MATR3: variants seen among roughly 807,000 people sequenced by gnomAD.
MATR3 encodes the protein matrin 3.
MATR3 carries 4 observed loss-of-function variants against 85.5 expected under a neutral mutation model. The observed-to-expected ratio is 0.05, with a 90% CI of 0.02 to 0.11. The LOEUF (loss-of-function observed/expected upper bound fraction) is 0.11. Ranked by LOEUF, MATR3 falls within the 10% of genes least tolerant of loss-of-function variation. The pLI is 1.00. For missense variants in MATR3, 685 were observed against 1,016.1 expected (o/e 0.67, Z 4.43); for synonymous variants, 336 against 343.1 (o/e 0.98, Z 0.23).
Position 139,325,452 on chromosome 5 carries a change from G to A in MATR3, c.2161G>A (p.Glu721Lys), listed in dbSNP as rs764645698. Residue 721 changes from glutamate to lysine, a missense_variant, in exon 13 of 15, where the codon GAG becomes AAG. Coordinates refer to ENST00000394805, the MANE Select transcript of MATR3 (RefSeq NM_018834.6). The stretch of plus-strand genomic sequence containing the variant: ...GGTTGAAATTAAGGTGGACAAGATC[G>A]AGGAACTTGATCAAGAAAACGAAGC... ...KKKLKKVDKI[E>K]ELDQENEAAL... 2.4e-5 allele frequency: 39 copies of A among 1,614,044 alleles called. No individual in the cohort carries two copies. Among genetic ancestry groups the A allele is most frequent in the Non-Finnish European group, 3.2e-5 (38 of 1,180,048 alleles).
intron 1 of MATR3, among the ~76,000 whole-genome samples, chr5:139,301,840 A>G (rs550531252): frequency 5.9e-5 from 9 of 152,170 alleles, no homozygotes; most frequent in Non-Finnish European, 1.3e-4. Context: ...TTTTAAACCT[A>G]GGAAGAAGAC....
intron 13 of MATR3, among the ~76,000 whole-genome samples, chr5:139,325,877 T>C (rs1755829324): frequency 6.6e-6 from 1 of 152,250 alleles, no homozygotes; most frequent in Non-Finnish European, 1.5e-5. Context: ...TATTCCACAA[T>C]GTGTTCCCTT....
chr5:139,290,940 T>C (rs568588466), upstream of MATR3, among the ~76,000 whole-genome samples: 3 of 152,244 alleles, frequency 2.0e-5, no homozygotes, highest in South Asian at 6.2e-4. Flanking sequence ...TATCTTAGAT[T>C]CTGCATTTGA....
At chr5:139,284,269 A>G (rs1241804197) in intron 3 of MATR3, among the ~76,000 whole-genome samples, 2 of 152,188 alleles carry the variant, frequency 1.3e-5, no homozygotes, top group Non-Finnish European at 2.9e-5. Context: ...AGTAGATCCT[A>G]ACAATATCAC....
Position 139,300,790 on chromosome 5 carries a change from A to G in MATR3, c.-177-6449A>G, listed in dbSNP as rs573489765. ...CCCCAGTAGCTGGGATTACAGGCAC[A>G]TGCCACCACACCTGGCTGATTTTTG... On this transcript the variant is annotated intron_variant, in intron 1 of 14. Transcript: ENST00000394805. Among the ~76,000 whole-genome samples the G allele has an allele frequency of 1.3e-3, 200 of 150,788 alleles. 3 individuals carry two copies. Among genetic ancestry groups the G allele is most frequent in the Non-Finnish European group, 2.5e-4 (17 of 67,576 alleles).
At chr5:139,317,444 G>C (rs1429357657) in intron 6 of MATR3, 152 bp from the exon 7 acceptor site, 1 of 773,674 alleles carries the variant, frequency 1.3e-6, no homozygotes, top group East Asian at 2.7e-5. Flanking sequence ...AGTGACGTTT[G>C]ATATGTAGCT....
intron 3 of MATR3, chr5:139,315,472 C>G: frequency 6.2e-6 from 3 of 485,476 alleles, no homozygotes; most frequent in Non-Finnish European, 7.5e-6. Flanking sequence ...TCAACATTAT[C>G]TGCATTTGCA....
chr5:139,286,363 AG>A (rs1471583942), intron 3 of MATR3, among the ~76,000 whole-genome samples: 6 of 152,002 alleles, frequency 3.9e-5, no homozygotes, highest in African/African-American at 1.4e-4. Context: ...ATTATAAAAT[AG>A]AAATGGGGTC....
intron 1 of MATR3, chr5:139,274,180 G>A (rs1753177028): frequency 2.5e-6 from 1 of 406,390 alleles, no homozygotes; most frequent in Admixed American, 3.1e-5. Flanking sequence ...GGACCCAGAG[G>A]GGAGAGTCCT....
intron 1 of MATR3, among the ~76,000 whole-genome samples, chr5:139,303,126 G>A (rs532153067): frequency 6.6e-6 from 1 of 151,472 alleles, no homozygotes; most frequent in African/African-American, 2.4e-5. Flanking sequence ...TTTTTGAGAC[G>A]ATGTTTGCTC....
Position 139,330,320 on chromosome 5 carries a change from A to T in MATR3, c.*925A>T, listed in dbSNP as rs1316511057. The T allele has an allele frequency of 2.2e-6, 1 of 454,010 alleles. No homozygotes were observed. Among genetic ancestry groups the T allele is most frequent in the South Asian group, 1.6e-5 (1 of 64,322 alleles). The allele number at this position is 454,010 out of a possible 1,614,324, so 28.1% of individuals were successfully genotyped here. ...AAATTTGCATGTATAATTTGTGTTT[A>T]CTTGTAACTTTCTGGTTATATACTG... On this transcript the variant is annotated 3_prime_UTR_variant, in exon 15 of 15. Transcript: ENST00000394805.
Position 139,330,928 on chromosome 5 carries a change from CT to C in MATR3, c.*1534del, listed in dbSNP as rs1368127183. On this transcript the variant is annotated 3_prime_UTR_variant, in exon 15 of 15. Coordinates refer to ENST00000394805, the MANE Select transcript of MATR3 (RefSeq NM_018834.6). ...ACCTCAGTCTCCTGAGTAGCTGGGA[CT>C]ACAGGCTCATGCCACTATACCTGGC... The C allele has an allele frequency of 5.3e-5, 24 of 453,910 alleles. No homozygotes were observed. In the Admixed American group the frequency reaches 5.6e-4, roughly 11 times the overall value. The allele number at this position is 453,910 out of a possible 1,614,324, so 28.1% of individuals were successfully genotyped here.
upstream of MATR3, among the ~76,000 whole-genome samples, chr5:139,290,680 G>A (rs531268814): frequency 6.6e-6 from 1 of 151,556 alleles, no homozygotes; most frequent in African/African-American, 2.4e-5. Context: ...GAACTTTCTG[G>A]CCTCAAGCGA....
Position 139,322,805 on chromosome 5 carries a change from A to G in MATR3, c.1986A>G (p.Glu662=). Residue 662 remains glutamate (E), a synonymous_variant, in exon 12 of 15, where the codon GAA becomes GAG. Transcript: ENST00000394805. ...CTGAAGATGAGCTACTTGTAGATGA[A>G]GAAGAAGCAGCAGCACTGCTAGAAA... The part of the protein sequence containing the change: ...LESEDELLVD[E]EEAAALLESG... The G allele has an allele frequency of 6.2e-7, 1 of 1,614,180 alleles. No homozygotes were observed. Among genetic ancestry groups the G allele is most frequent in the Non-Finnish European group, 8.5e-7 (1 of 1,180,014 alleles).
chr5:139,317,509 A>C, intron 6 of MATR3, 87 bp from the exon 7 acceptor site: 1 of 1,296,586 alleles, frequency 7.7e-7, no homozygotes, highest in Non-Finnish European at 1.1e-6. Context: ...CTGGTTAATT[A>C]TAGATTATAA....
intron 14 of MATR3, 122 bp downstream of exon 14, chr5:139,326,406 G>T: frequency 1.2e-5 from 10 of 819,600 alleles, no homozygotes; most frequent in South Asian, 1.8e-5. Context: ...TTCTCCTGAA[G>T]ATAACTTTTT....
At chr5:139,300,308 T>C (rs1754373541) in intron 1 of MATR3, among the ~76,000 whole-genome samples, 1 of 152,164 alleles carries the variant, frequency 6.6e-6, no homozygotes, top group Non-Finnish European at 1.5e-5. Context: ...GAGGTTGCAG[T>C]GAGCCAAGAT....
chr5:139,281,191 GT>G (rs1315324055), intron 3 of MATR3, among the ~76,000 whole-genome samples: 1 of 150,698 alleles, frequency 6.6e-6, no homozygotes, highest in East Asian at 2.0e-4. Context: ...GTAGTTATTT[GT>G]TTTTTTTAGA....
At chr5:139,299,761 T>G (rs2151939383) in intron 1 of MATR3, 1 of 152,306 alleles carries the variant, frequency 6.6e-6, no homozygotes, top group Non-Finnish European at 1.5e-5. Flanking sequence ...GTTGTTTATG[T>G]TGAAAGGTGA....
Sources: gnomAD v4.1 joint callset for allele counts (sites outside exome capture counted in the v4.1 genomes callset) on GRCh38, gnomAD v4.1.1 for gene constraint, MANE v1.5 for transcripts, NCBI Gene and HGNC (gene_info 2026-07-23, HGNC 2026-07-21) for gene names.